Variants in SHISAL1 observed in about 807,000 individuals in gnomAD.
SHISAL1 encodes the protein protein shisa-like-1.
SHISAL1 carries 9 observed loss-of-function variants against 22.6 expected under a neutral mutation model. That is an observed-to-expected ratio of 0.40 (90% CI 0.24 to 0.70). The LOEUF (loss-of-function observed/expected upper bound fraction) is 0.70. Among genes scored for constraint, SHISAL1 ranks in the 30% least tolerant of loss-of-function variants. SHISAL1 has a pLI of 0.39. For missense variants in SHISAL1, 246 were observed against 270.6 expected, an observed-to-expected ratio of 0.91 and a Z score of 0.64; for synonymous variants, 119 against 115.4, an observed-to-expected ratio of 1.03 and a Z score of -0.20.
At chr22:44,316,239 G>A (rs752788738), upstream of SHISAL1, among the ~76,000 whole-genome samples, 2 of 152,142 alleles carry the variant, frequency 1.3e-5, no homozygotes, top group East Asian at 3.9e-4. Flanking sequence ...GGTGGGAATC[G>A]GCCAGATCTT....
At chr22:44,309,230 G>A (rs1348767292) in intron 1 of SHISAL1, among the ~76,000 whole-genome samples, 3 of 152,332 alleles carry the variant, frequency 2.0e-5, no homozygotes, top group Admixed American at 1.3e-4. Flanking sequence ...GGGGATTCCC[G>A]CTGCCATAAG....
At chr22:44,263,079 C>CTTTCTTTCTTTT (rs55901041) in intron 4 of SHISAL1, among the ~76,000 whole-genome samples, 1 of 88,252 alleles carries the variant, frequency 1.1e-5, no homozygotes, top group South Asian at 5.1e-4. Flanking sequence ...TTCTTTCTTT[C>CTTTCTTTCTTTT]TTTTTTTTTT....
At chr22:44,325,884 C>T in the SHISAL1 span, among the ~76,000 whole-genome samples, 12 of 151,664 alleles carry the variant, frequency 7.9e-5, no homozygotes, top group African/African-American at 2.2e-4. Flanking sequence ...CTACTTGGCA[C>T]GCTCCTACAC....
intron 4 of SHISAL1, among the ~76,000 whole-genome samples, chr22:44,279,307 C>T (rs2055260867): frequency 6.6e-6 from 1 of 152,238 alleles, no homozygotes; most frequent in Non-Finnish European, 1.5e-5. Flanking sequence ...GCTGCAACTC[C>T]ATCCCCACTC....
intron 2 of SHISAL1, among the ~76,000 whole-genome samples, chr22:44,298,160 TC>T (rs1413824231): frequency 2.6e-5 from 4 of 152,204 alleles, no homozygotes; most frequent in Admixed American, 2.6e-4. Flanking sequence ...AGGGGAGCTC[TC>T]CAGGCCCCCT....
At chr22:44,294,470 C>T (rs979584103) in intron 3 of SHISAL1, among the ~76,000 whole-genome samples, 2 of 152,252 alleles carry the variant, frequency 1.3e-5, no homozygotes, top group Admixed American at 6.5e-5. Context: ...AAAGATTTTT[C>T]CTTATCATGA....
intron 4 of SHISAL1, among the ~76,000 whole-genome samples, chr22:44,253,596 A>AT (rs71759472): frequency 0.032 from 4,424 of 138,250 alleles, 95 homozygotes; most frequent in African/African-American, 0.045. Flanking sequence ...TGTCTGGCTA[A>AT]TTTTTTTTTT....
intron 4 of SHISAL1, among the ~76,000 whole-genome samples, chr22:44,271,278 C>G (rs1308644941): frequency 6.6e-6 from 1 of 152,158 alleles, no homozygotes; most frequent in Non-Finnish European, 1.5e-5. Flanking sequence ...CCTGCCTGCC[C>G]CCACCTGCAG....
At chr22:44,273,954 A>T (rs760100003) in intron 4 of SHISAL1, among the ~76,000 whole-genome samples, 55 of 152,192 alleles carry the variant, frequency 3.6e-4, no homozygotes, top group Admixed American at 1.0e-3. Context: ...GCGGTGGCTC[A>T]CGCCTGTAGT....
At chr22:44,256,477 T>C (rs1305583486) in intron 4 of SHISAL1, among the ~76,000 whole-genome samples, 3 of 152,202 alleles carry the variant, frequency 2.0e-5, no homozygotes, top group Non-Finnish European at 4.4e-5. Context: ...CTGGAACACA[T>C]TGACTAATAC....
At chr22:44,251,634 C>G (rs2055048310) in intron 4 of SHISAL1, among the ~76,000 whole-genome samples, 1 of 152,152 alleles carries the variant, frequency 6.6e-6, no homozygotes, top group Non-Finnish European at 1.5e-5. Flanking sequence ...CAAGTCACAT[C>G]TTATGTGGAT....
intron 4 of SHISAL1, among the ~76,000 whole-genome samples, chr22:44,266,662 TGACTTTG>T: frequency 6.6e-6 from 1 of 151,954 alleles, no homozygotes; most frequent in Middle Eastern, 3.4e-3. Context: ...CCTGGCTGTT[TGACTTTG>T]GACACATGCT....
chr22:44,249,842 G>GAA (rs749391194), intron 4 of SHISAL1, among the ~76,000 whole-genome samples, 157 bp from the exon 5 acceptor site: 2 of 151,750 alleles, frequency 1.3e-5, no homozygotes, highest in Non-Finnish European at 2.9e-5. Flanking sequence ...CTGGAAGAAA[G>GAA]AAAAAAAATG....
chr22:44,292,312 C>T (rs963217231), intron 3 of SHISAL1, among the ~76,000 whole-genome samples: 1 of 152,160 alleles, frequency 6.6e-6, no homozygotes, highest in Non-Finnish European at 1.5e-5. Context: ...GCTAACCTGT[C>T]TAGGATACTG....
At chr22:44,326,648 T>C in the SHISAL1 span, among the ~76,000 whole-genome samples, 27 of 152,252 alleles carry the variant, frequency 1.8e-4, no homozygotes, top group East Asian at 4.0e-3. Context: ...ACACATCTGT[T>C]GGGGTAGGTG....
intron 3 of SHISAL1, among the ~76,000 whole-genome samples, chr22:44,288,935 G>C (rs2055334485): frequency 6.6e-6 from 1 of 152,216 alleles, no homozygotes; most frequent in Admixed American, 6.5e-5. Context: ...TGAAGGCGGG[G>C]TTGGGGTTCA....
chr22:44,256,600 A>T (rs1181361005), intron 4 of SHISAL1, among the ~76,000 whole-genome samples: 7 of 152,192 alleles, frequency 4.6e-5, no homozygotes, highest in Admixed American at 2.6e-4. Flanking sequence ...GTTTAAAATT[A>T]TCCTCTATCT....
chr22:44,308,121 A>C (rs1345942036), intron 1 of SHISAL1, among the ~76,000 whole-genome samples: 1 of 152,110 alleles, frequency 6.6e-6, no homozygotes, highest in Non-Finnish European at 1.5e-5. Flanking sequence ...ACCACATCCC[A>C]TGTGACCTGG....
At chr22:44,275,688 A>G (rs748757030) in intron 4 of SHISAL1, among the ~76,000 whole-genome samples, 7 of 152,132 alleles carry the variant, frequency 4.6e-5, no homozygotes, top group South Asian at 2.1e-4. Flanking sequence ...CTGGGTTCCA[A>G]TTCTGACCCA....
Sources: gnomAD v4.1 joint callset for allele counts (sites outside exome capture counted in the v4.1 genomes callset) on GRCh38, gnomAD v4.1.1 for gene constraint, MANE v1.5 for transcripts, NCBI Gene and HGNC (gene_info 2026-07-23, HGNC 2026-07-21) for gene names.